The following ACACB variants were observed in gnomAD, a reference collection of about 807,000 sequenced individuals.
ACACB encodes acetyl-CoA carboxylase 2.
Under a neutral mutation model 278.8 loss-of-function variants are expected in ACACB, and 209 were observed. The ratio of observed to expected loss-of-function variants is 0.75; its 90% CI spans 0.67 to 0.84. ACACB has a LOEUF of 0.84. Among genes scored for constraint, ACACB ranks in the 40% least tolerant of loss-of-function variants. The pLI is 0.00. For missense variants in ACACB, 2,850 were observed against 3,269.0 expected, an observed-to-expected ratio of 0.87 and a Z score of 3.13; for synonymous variants, 1,174 against 1,285.6, an observed-to-expected ratio of 0.91 and a Z score of 1.86.
In ACACB at chr12:109,127,421, GA is replaced by G. The variant is rs35642033; in HGVS notation, c.-10+10729del. ...AACAAAGTGAGATCCTGTCTCTACAGAAAAAAAAAAAACCCAAAAAACCAAA... is the reference window on the plus strand; with the variant it reads ...AACAAAGTGAGATCCTGTCTCTACAGAAAAAAAAAAACCCAAAAAACCAAA... On this transcript the variant is annotated intron_variant, in intron 1 of 52. Transcript: ENST00000338432. Among the ~76,000 whole-genome samples, 249 of 144,166 alleles carry G rather than the reference GA, an allele frequency of 1.7e-3. 1 individual carries two copies. Among genetic ancestry groups the G allele is most frequent in the African/African-American group, 3.0e-3 (117 of 39,236 alleles). The allele number at this position is 144,166 out of a possible 152,430, so 94.6% of individuals were successfully genotyped here.
At chr12:109,207,564 T>C (rs185834189) in intron 20 of ACACB, among the ~76,000 whole-genome samples, 22 of 152,324 alleles carry the variant, frequency 1.4e-4, no homozygotes, top group African/African-American at 5.1e-4. Flanking sequence ...CCCATGATGC[T>C]CATAGCAGTG....
chr12:109,191,552 C>T, intron 13 of ACACB, 61 bp from the exon 14 acceptor site: 2 of 1,592,172 alleles, frequency 1.3e-6, no homozygotes, highest in Non-Finnish European at 8.6e-7. Context: ...CACATCATTG[C>T]AGCAACTCTG....
intron 1 of ACACB, among the ~76,000 whole-genome samples, chr12:109,134,453 G>A (rs1198760782): frequency 6.6e-6 from 1 of 152,200 alleles, no homozygotes; most frequent in Non-Finnish European, 1.5e-5. Flanking sequence ...TTGGGCCTCT[G>A]GGGAAGCCGG....
chr12:109,116,344 C>T (rs372653437), upstream of ACACB, among the ~76,000 whole-genome samples: 21 of 152,144 alleles, frequency 1.4e-4, no homozygotes, highest in East Asian at 2.5e-3. Flanking sequence ...CTACTGCTTA[C>T]GACAACATGG....
chr12:109,133,380 A>G (rs2042881044), intron 1 of ACACB, among the ~76,000 whole-genome samples: 1 of 151,698 alleles, frequency 6.6e-6, no homozygotes, highest in Admixed American at 6.6e-5. Flanking sequence ...ACAGGCACAC[A>G]CCACTGCCCA....
At chr12:109,112,013 G>A (rs1450160314), upstream of ACACB, among the ~76,000 whole-genome samples, 1 of 115,858 alleles carries the variant, frequency 8.6e-6, no homozygotes, top group Non-Finnish European at 1.7e-5. Flanking sequence ...AGGAAGAAGT[G>A]AAGGGATAAT....
At chr12:109,150,492 C>T (rs1190840052) in intron 2 of ACACB, among the ~76,000 whole-genome samples, 2 of 152,202 alleles carry the variant, frequency 1.3e-5, no homozygotes, top group Middle Eastern at 3.2e-3. Context: ...CTGAAGTGTT[C>T]CTTCCCGCCA....
intron 2 of ACACB, among the ~76,000 whole-genome samples, chr12:109,165,103 T>C (rs186659069): frequency 1.1e-3 from 168 of 152,098 alleles, no homozygotes; most frequent in African/African-American, 3.6e-3. Context: ...TCTTCTTAAG[T>C]GGATGAAACT....
chr12:109,265,322 G>T, intron 51 of ACACB, 42 bp downstream of exon 51: 2 of 1,610,772 alleles, frequency 1.2e-6, no homozygotes, highest in African/African-American at 1.3e-5. Context: ...CACAGGGGGT[G>T]CTGGGGGCTG....
At chr12:109,199,807 A>G (rs1041340947) in intron 18 of ACACB, among the ~76,000 whole-genome samples, 5 of 152,070 alleles carry the variant, frequency 3.3e-5, no homozygotes, top group Non-Finnish European at 7.4e-5. Context: ...AGGTCAGGAG[A>G]TCAAGACCAT....
intron 1 of ACACB, among the ~76,000 whole-genome samples, chr12:109,133,861 ATATTTTTTTTT>A (rs1374262493): frequency 6.5e-5 from 3 of 46,358 alleles, no homozygotes; most frequent in African/African-American, 1.7e-4. Flanking sequence ...ATATATATAT[ATATTTTTTTTT>A]TTTTTTTTTT....
At chr12:109,183,032 G>A (rs113935262) in intron 11 of ACACB, among the ~76,000 whole-genome samples, 9 of 152,038 alleles carry the variant, frequency 5.9e-5, no homozygotes, top group African/African-American at 9.7e-5. Flanking sequence ...ACCATTTATC[G>A]AAGAGACTTT....
At chr12:109,151,375 C>T (rs550849206) in intron 2 of ACACB, among the ~76,000 whole-genome samples, 50 of 152,238 alleles carry the variant, frequency 3.3e-4, no homozygotes, top group African/African-American at 8.9e-4. Flanking sequence ...GAGCAACTAA[C>T]CATTCATACA....
At position 109,209,259 on chromosome 12, in the gene ACACB, G is replaced by A; in HGVS notation, c.3155G>A (p.Arg1052His). ...LQEIMTSVAG[R>H]IPAPVEKSVR... is the part of the protein sequence containing the mutation. Reference sequence around the variant, plus strand: ...GAGATCATGACCAGCGTGGCAGGCCGCATCCCCGCCCCTGTGGAGAAGTCT... The same window carrying A: ...GAGATCATGACCAGCGTGGCAGGCCACATCCCCGCCCCTGTGGAGAAGTCT... The change falls in exon 21 of 53, where the codon CGC becomes CAC. Residue 1052 changes from arginine (R) to histidine (H), a missense_variant. Physicochemically the swap from Arg to His is conservative, Grantham distance 29 (BLOSUM62 0). Coordinates refer to ENST00000338432, the MANE Select transcript of ACACB (RefSeq NM_001093.4). The A allele has an allele frequency of 3.7e-6, 6 of 1,611,404 alleles. No individual in the cohort carries two copies. The highest frequency in any genetic ancestry group is 3.3e-5 in the Admixed American group (2 of 59,766).
Position 109,260,552 on chromosome 12 carries a change from T to G in ACACB, c.6569T>G (p.Leu2190Arg). The change falls in exon 48 of 53, where the codon CTG becomes CGG. Residue 2190 changes from leucine (L) to arginine (R), a missense_variant. Leu to Arg is a moderately radical substitution (Grantham distance 102, BLOSUM62 -2). This residue lies in a region of ACACB where 579 missense variants were observed against 684.6 expected (regional missense o/e 0.85). Transcript: ENST00000338432. ...CTTAGACAATACAAACAGCCCATCC[T>G]GATCTATATCCCGCCCTATGCGGAG... Reference protein sequence around the residue: ...DGLRQYKQPILIYIPPYAELR... With the variant: ...DGLRQYKQPIRIYIPPYAELR... The G allele has an allele frequency of 6.2e-7, 1 of 1,614,238 alleles. No individual in the cohort carries two copies. The highest frequency in any genetic ancestry group is 8.5e-7 in the Non-Finnish European group (1 of 1,180,042).
At chr12:109,121,438 C>A (rs2042546544) in intron 1 of ACACB, among the ~76,000 whole-genome samples, 1 of 152,186 alleles carries the variant, frequency 6.6e-6, no homozygotes, top group African/African-American at 2.4e-5. Flanking sequence ...TCTCACAGAT[C>A]TTACCTTCTA....
chr12:109,177,296 T>C (rs540762378), intron 9 of ACACB, among the ~76,000 whole-genome samples: 65 of 152,378 alleles, frequency 4.3e-4, no homozygotes, highest in African/African-American at 1.4e-3. Context: ...TACTTTGTTA[T>C]TATGAATAAT....
At position 109,134,011 on chromosome 12, in the gene ACACB, C is replaced by G. The variant is rs143288139; in HGVS notation, c.-9-5386C>G. Among the ~76,000 whole-genome samples the G allele has an allele frequency of 1.4e-3, 205 of 150,846 alleles. 1 individual carries two copies. Among genetic ancestry groups the G allele is most frequent in the East Asian group, 1.9e-3 (10 of 5,134 alleles). ...ATGGCTCACTGTAGTCTTGATGTCC[C>G]AGGCTCAAGTGAGCCTCCCGCCTTG... On this transcript the variant is annotated intron_variant, in intron 1 of 52. Transcript: ENST00000338432.
intron 2 of ACACB, among the ~76,000 whole-genome samples, chr12:109,144,878 C>A (rs1355405044): frequency 6.7e-6 from 1 of 149,130 alleles, no homozygotes; most frequent in Non-Finnish European, 1.5e-5. Context: ...TCTTCTGCTT[C>A]AGCCTCCTGA....
Sources: gnomAD v4.1 joint callset for allele counts (sites outside exome capture counted in the v4.1 genomes callset) on GRCh38, gnomAD v4.1.1 for gene constraint, gnomAD v4.1.1 regional missense constraint, MANE v1.5 for transcripts, NCBI Gene and HGNC (gene_info 2026-07-23, HGNC 2026-07-21) for gene names.